MBP: variants seen among roughly 807,000 people sequenced by gnomAD.
The protein encoded by MBP is Golli-MBP.
A neutral mutation model predicts 35.8 loss-of-function variants in MBP; 16 were observed. The ratio of observed to expected loss-of-function variants is 0.45; its 90% CI spans 0.30 to 0.68. The LOEUF is 0.68. MBP is among the 30% of genes least tolerant of loss of function. The pLI is 0.08. For synonymous variants in MBP, 143 were observed against 159.6 expected (o/e 0.90, Z 0.78); for missense variants, 380 against 404.7 (o/e 0.94, Z 0.52).
intron 3 of MBP, among the ~76,000 whole-genome samples, chr18:77,059,126 GAA>G (rs914869730): frequency 2.0e-5 from 3 of 152,100 alleles, no homozygotes; most frequent in Non-Finnish European, 4.4e-5. Context: ...TTAAAAGAAA[GAA>G]AAAACCCTAC....
intron 3 of MBP, among the ~76,000 whole-genome samples, chr18:77,045,602 C>G (rs470970): frequency 1.3e-5 from 2 of 152,148 alleles, no homozygotes; most frequent in Admixed American, 6.5e-5. Flanking sequence ...TGAAAACCCT[C>G]GAGGTTAGAT....
chr18:77,093,794 C>A (rs1232944957), intron 2 of MBP, among the ~76,000 whole-genome samples: 1 of 152,246 alleles, frequency 6.6e-6, no homozygotes, highest in South Asian at 2.1e-4. Context: ...CCCCGCCCAG[C>A]AGCCTGAAAG....
intron 4 of MBP, among the ~76,000 whole-genome samples, chr18:76,992,454 C>T (rs558112797): frequency 7.3e-4 from 111 of 152,254 alleles, no homozygotes; most frequent in African/African-American, 2.6e-3. Flanking sequence ...AGAGCGGTAC[C>T]GGTCCAGGGC....
chr18:77,011,754 C>T (rs72973170), intron 4 of MBP, among the ~76,000 whole-genome samples: 2,460 of 152,306 alleles, frequency 0.016, 30 homozygotes, highest in South Asian at 0.03. Context: ...TTTTTTACTA[C>T]GTTTTTATGA....
At chr18:77,112,746 C>T (rs569012080) in intron 1 of MBP, 3 of 152,400 alleles carry the variant, frequency 2.0e-5, no homozygotes, top group East Asian at 1.9e-4. Flanking sequence ...CCGTGCAGGT[C>T]GAGAAACTCT....
chr18:77,118,612 C>CCACACACACA (rs71174609), intron 1 of MBP, among the ~76,000 whole-genome samples: 35 of 134,276 alleles, frequency 2.6e-4, no homozygotes, highest in African/African-American at 5.7e-4. Context: ...TCCACAGACA[C>CCACACACACA]CACACACACA....
At chr18:77,088,576 A>G (rs1338941415) in intron 2 of MBP, among the ~76,000 whole-genome samples, 2 of 152,218 alleles carry the variant, frequency 1.3e-5, no homozygotes, top group Non-Finnish European at 2.9e-5. Flanking sequence ...GCAGATTAAA[A>G]TGTTCTAGAG....
chr18:76,984,546 C>T lies in MBP; in HGVS notation c.870+229G>A. Reference sequence around the variant, plus strand: ...TCCAGGGCCCCTGAACCAGCCCAGGCGCAGCCCTTCCTCAAGCACCTCCGG... The same window carrying T: ...TCCAGGGCCCCTGAACCAGCCCAGGTGCAGCCCTTCCTCAAGCACCTCCGG... On this transcript the variant is annotated intron_variant, in intron 8 of 8. Transcript: ENST00000355994. 10 of 563,656 alleles carry T rather than the reference C, an allele frequency of 1.8e-5. 1 individual carries two copies. The highest frequency in any genetic ancestry group is 1.4e-4 in the South Asian group (7 of 49,538). The allele number at this position is 563,656 out of a possible 1,614,324, so 34.9% of individuals were successfully genotyped here.
In MBP at chr18:77,029,217, C is replaced by A. The variant is rs1308343100; in HGVS notation, c.140-11949G>T. The stretch of plus-strand genomic sequence containing the variant: ...CGCGGTTAGGAGCTGGAGACCAGCC[C>A]GGCCAACACAGCGAAACCCCGGCTC... On this transcript the variant is annotated intron_variant, in intron 3 of 8. Transcript: ENST00000355994. 6.2e-4 allele frequency among the ~76,000 whole-genome samples: 90 copies of A among 144,250 alleles called. 1 individual carries two copies. In the East Asian group the frequency reaches 0.014, roughly 23 times the overall value. The allele number at this position is 144,250 out of a possible 152,430, so 94.6% of individuals were successfully genotyped here.
intron 1 of MBP, among the ~76,000 whole-genome samples, chr18:77,122,545 T>G (rs1370077813): frequency 6.6e-6 from 1 of 152,226 alleles, no homozygotes; most frequent in East Asian, 1.9e-4. Flanking sequence ...TTCTTTCTTT[T>G]CTTTAAATTT....
At chr18:77,121,361 G>A (rs902437159) in intron 1 of MBP, among the ~76,000 whole-genome samples, 5 of 152,040 alleles carry the variant, frequency 3.3e-5, no homozygotes, top group Admixed American at 2.0e-4. Flanking sequence ...CCTATAGTAC[G>A]TGTTATTTTG....
chr18:76,986,918 A>C (rs1599467964), intron 7 of MBP: 1 of 985,490 alleles, frequency 1.0e-6, no homozygotes, highest in East Asian at 1.1e-4. Context: ...GGAAACACAC[A>C]ACACAGCTTA....
rs536279318 is a variant in MBP, at chr18:76,986,638, A to G, written c.751-1744T>C. 2.6e-3 allele frequency: 2,583 copies of G among 985,542 alleles called. 4 individuals carry two copies. The highest frequency in any genetic ancestry group is 3.0e-3 in the Non-Finnish European group (2,478 of 829,986). 61.0% of individuals were successfully genotyped at this position (985,542 alleles called of 1,614,324 possible). A position where few individuals can be genotyped will look rare whatever the true frequency, so the allele number is the denominator to read the frequency against. ...GTCTAAGCACTGCACACGAGGGGAC[A>G]GCCAGCCTCGCTCTTGCGTCCTAGA... On this transcript the variant is annotated intron_variant, in intron 7 of 8. Transcript: ENST00000355994.
chr18:77,122,170 CA>C (rs1227234479), intron 1 of MBP, among the ~76,000 whole-genome samples: 1 of 152,192 alleles, frequency 6.6e-6, no homozygotes, highest in African/African-American at 2.4e-5. Context: ...AGGGACTGTG[CA>C]CTATGGTAGA....
intron 3 of MBP, among the ~76,000 whole-genome samples, chr18:77,036,361 C>G (rs1039266419): frequency 2.2e-5 from 3 of 139,484 alleles, no homozygotes; most frequent in African/African-American, 8.9e-5. Flanking sequence ...AAGTGCTGGT[C>G]ACATTTTGGA....
intron 4 of MBP, among the ~76,000 whole-genome samples, chr18:76,997,752 G>A (rs941403390): frequency 1.5e-4 from 23 of 150,460 alleles, no homozygotes; most frequent in Non-Finnish European, 2.8e-4. Flanking sequence ...GCGCGACCTC[G>A]GCTCACTGCA....
chr18:77,054,461 G>A (rs1973643405), intron 3 of MBP, among the ~76,000 whole-genome samples: 1 of 152,192 alleles, frequency 6.6e-6, no homozygotes, highest in Non-Finnish European at 1.5e-5. Flanking sequence ...GGGAACAGGT[G>A]GAGGGGATTT....
At chr18:76,992,155 T>C (rs944388390) in intron 4 of MBP, among the ~76,000 whole-genome samples, 13 of 152,316 alleles carry the variant, frequency 8.5e-5, no homozygotes, top group Admixed American at 3.9e-4. Flanking sequence ...AAGCAGCGGT[T>C]CCCAACCTTT....
At chr18:77,018,748 TCATCCATC>T (rs141460752) in intron 3 of MBP, among the ~76,000 whole-genome samples, 7,718 of 95,602 alleles carry the variant, frequency 0.081, 382 homozygotes, top group East Asian at 0.17. Flanking sequence ...ATCTATCCAC[TCATCCATC>T]CATCCATCCA....
Sources: gnomAD v4.1 joint callset for allele counts (sites outside exome capture counted in the v4.1 genomes callset) on GRCh38, gnomAD v4.1.1 for gene constraint, MANE v1.5 for transcripts, NCBI Gene and HGNC (gene_info 2026-07-23, HGNC 2026-07-21) for gene names.